The following CEP43 variants were observed in gnomAD, a reference collection of about 807,000 sequenced individuals.
CEP43 encodes centrosomal protein 43, also known as FGFR1 oncogene partner.
CEP43 carries 36 observed loss-of-function variants against 52.6 expected under a neutral mutation model. The ratio of observed to expected loss-of-function variants is 0.68; its 90% CI spans 0.52 to 0.90. The LOEUF (loss-of-function observed/expected upper bound fraction) is 0.90. CEP43 is among the 40% of genes least tolerant of loss of function. The pLI, the probability that CEP43 is intolerant of heterozygous loss-of-function variation, is 0.00. For missense variants in CEP43, 506 were observed against 472.8 expected (o/e 1.07, Z -0.65); for synonymous variants, 192 against 172.4 (o/e 1.11, Z -0.89).
intron 8 of CEP43, among the ~76,000 whole-genome samples, chr6:167,023,673 G>T (rs1016616311): frequency 3.9e-5 from 6 of 152,188 alleles, no homozygotes; most frequent in African/African-American, 1.4e-4. Context: ...AAGGAAGCAG[G>T]TCCTGCGCAC....
At chr6:167,010,508 G>A (rs939300431) in intron 5 of CEP43, among the ~76,000 whole-genome samples, 1 of 152,228 alleles carries the variant, frequency 6.6e-6, no homozygotes, top group African/African-American at 2.4e-5. Context: ...GGAGAGTAGG[G>A]AGAAGGGAAG....
At chr6:167,000,903 C>A (rs950548796) in intron 2 of CEP43, among the ~76,000 whole-genome samples, 1 of 151,802 alleles carries the variant, frequency 6.6e-6, no homozygotes, top group Non-Finnish European at 1.5e-5. Context: ...CTAACTCTTC[C>A]CACTTTGCAC....
intron 7 of CEP43, 149 bp downstream of exon 7, chr6:167,013,716 G>A: frequency 1.6e-6 from 1 of 618,208 alleles, no homozygotes; most frequent in Non-Finnish European, 2.9e-6. Context: ...GCTCACGCCT[G>A]TAATCCCAGC....
chr6:167,019,652 G>C (rs994792179), intron 7 of CEP43, among the ~76,000 whole-genome samples: 1 of 152,142 alleles, frequency 6.6e-6, no homozygotes, highest in African/African-American at 2.4e-5. Flanking sequence ...AAATAATTCT[G>C]TTATGTTTAC....
intron 4 of CEP43, chr6:167,004,022 TA>T: frequency 1.7e-6 from 1 of 592,182 alleles, no homozygotes; most frequent in Non-Finnish European, 2.9e-6. Flanking sequence ...AGCTTGCTAA[TA>T]AAAGTGTTAC....
intron 12 of CEP43, among the ~76,000 whole-genome samples, chr6:167,039,394 G>T (rs1780647739): frequency 1.3e-5 from 2 of 152,208 alleles, no homozygotes; most frequent in South Asian, 4.1e-4. Context: ...TTCCCAAAGG[G>T]TTGGGATTGC....
intron 12 of CEP43, among the ~76,000 whole-genome samples, chr6:167,034,566 G>T (rs140959775): frequency 1.3e-5 from 2 of 152,326 alleles, no homozygotes; most frequent in Non-Finnish European, 2.9e-5. Flanking sequence ...CAGCTCAGAG[G>T]AGTCTACCAG....
chr6:167,003,203 C>G lies in CEP43; in HGVS notation c.167C>G (p.Pro56Arg). 4.1e-6 allele frequency: 6 copies of G among 1,465,452 alleles called. No homozygotes were observed. The highest frequency in any genetic ancestry group is 5.6e-6 in the Non-Finnish European group (6 of 1,078,706). The allele number at this position is 1,465,452 out of a possible 1,614,324, so 90.8% of individuals were successfully genotyped here. ...EEQEKVENKT[P>R]LVNESLKKFL... is the part of the protein sequence containing the mutation. Reference sequence around the variant, plus strand: ...TTTTTTTTTTAACAGAACAAAACTCCTTTAGTTAATGAGAGCCTGAAAAAG... The same window carrying G: ...TTTTTTTTTTAACAGAACAAAACTCGTTTAGTTAATGAGAGCCTGAAAAAG... The change falls in exon 3 of 13, where the codon CCT (proline) becomes CGT (arginine). Residue 56 changes from proline to arginine, a missense_variant. Pro to Arg is a moderately radical substitution (Grantham distance 103, BLOSUM62 -2). Coordinates refer to ENST00000366847, the MANE Select transcript of CEP43 (RefSeq NM_007045.4).
chr6:167,002,000 C>G (rs1779747321), intron 2 of CEP43, among the ~76,000 whole-genome samples: 1 of 152,196 alleles, frequency 6.6e-6, no homozygotes, highest in Non-Finnish European at 1.5e-5. Context: ...TTGAGGATCT[C>G]TCCTCTCCTT....
intron 7 of CEP43, among the ~76,000 whole-genome samples, chr6:167,015,815 CT>C (rs5881724): frequency 0.4 from 60,688 of 151,858 alleles, 12,431 homozygotes; most frequent in Non-Finnish European, 0.46. Flanking sequence ...GGTTTTTGAA[CT>C]GATGTAACTT....
intron 7 of CEP43, 104 bp from the exon 8 acceptor site, chr6:167,022,305 A>G (rs951151104): frequency 6.7e-6 from 5 of 741,128 alleles, no homozygotes; most frequent in Non-Finnish European, 1.1e-5. Flanking sequence ...CAAAGGTTGC[A>G]CACACACAGG....
chr6:167,027,983 T>TGGCC (rs1780390241), intron 10 of CEP43: 1 of 986,094 alleles, frequency 1.0e-6, no homozygotes, highest in South Asian at 4.7e-5. Context: ...GGTTGCTGGC[T>TGGCC]GGCCAGCTAG....
At chr6:167,018,287 G>C (rs1347108775) in intron 7 of CEP43, among the ~76,000 whole-genome samples, 1 of 152,186 alleles carries the variant, frequency 6.6e-6, no homozygotes, top group African/African-American at 2.4e-5. Flanking sequence ...GAAGTACTGG[G>C]AGTTAGGGGT....
chr6:167,037,855 C>G (rs1780614492), intron 12 of CEP43, among the ~76,000 whole-genome samples: 1 of 152,212 alleles, frequency 6.6e-6, no homozygotes, highest in Non-Finnish European at 1.5e-5. Flanking sequence ...CAGGCCATAA[C>G]TACTCCACCT....
chr6:167,026,046 A>T (rs941914334), intron 9 of CEP43, among the ~76,000 whole-genome samples: 1 of 152,264 alleles, frequency 6.6e-6, no homozygotes, highest in African/African-American at 2.4e-5. Flanking sequence ...GTTGTGTTCC[A>T]ATAAAGTAGT....
chr6:167,046,016 G>A lies in CEP43; in HGVS notation c.*6038G>A, dbSNP rs917451792. On this transcript the variant is annotated 3_prime_UTR_variant, in exon 13 of 13. Transcript: ENST00000366847. Reference sequence around the variant, plus strand: ...GCTCTCATGGGTTCATCCCTGCTGCGGGCATTGCTCCACCAAGGGGCAGTG... The same window carrying A: ...GCTCTCATGGGTTCATCCCTGCTGCAGGCATTGCTCCACCAAGGGGCAGTG... The A allele has an allele frequency of 6.6e-6, 1 of 152,176 alleles. No individual in the cohort carries two copies. The highest frequency in any genetic ancestry group is 2.1e-4 in the South Asian group (1 of 4,832). 9.4% of individuals were successfully genotyped at this position (152,176 alleles called of 1,614,324 possible).
chr6:167,022,614 A>C lies in CEP43; in HGVS notation c.785A>C (p.Lys262Thr). The change falls in exon 8 of 13, where the codon AAG becomes ACG. Residue 262 changes from lysine (K) to threonine (T), a missense_variant. By Grantham distance (78) the Lys-to-Thr change is moderately conservative. Transcript: ENST00000366847. ...GDSFFDDPIP[K>T]PEKTYGLRKE... ...TCTTTCTTTGATGATCCCATTCCTA[A>C]GCCAGAGAAAACTTACGGTTTGTGA... 1 of 1,613,742 alleles carries C rather than the reference A, an allele frequency of 6.2e-7. No individual in the cohort carries two copies. Among genetic ancestry groups the C allele is most frequent in the Non-Finnish European group, 8.5e-7 (1 of 1,179,698 alleles).
chr6:167,032,517 TA>T (rs199782062), intron 10 of CEP43, 85 bp from the exon 11 acceptor site: 8 of 1,244,326 alleles, frequency 6.4e-6, no homozygotes, highest in East Asian at 5.0e-5. Context: ...GCAATATAAT[TA>T]ATTTTTTTTA....
intron 2 of CEP43, among the ~76,000 whole-genome samples, chr6:167,002,429 G>A (rs900460598): frequency 6.6e-6 from 1 of 152,154 alleles, no homozygotes; most frequent in Non-Finnish European, 1.5e-5. Flanking sequence ...TAAGGTTTCT[G>A]TGAACAGTCA....
Sources: gnomAD v4.1 joint callset for allele counts (sites outside exome capture counted in the v4.1 genomes callset) on GRCh38, gnomAD v4.1.1 for gene constraint, MANE v1.5 for transcripts, NCBI Gene and HGNC (gene_info 2026-07-23, HGNC 2026-07-21) for gene names.